Variants in DIS3L2 observed in about 807,000 individuals in gnomAD.
The protein encoded by DIS3L2 is DIS3-like exonuclease 2.
In DIS3L2, 34 loss-of-function variants were observed where a neutral mutation model predicts 97.5. The ratio of observed to expected loss-of-function variants is 0.35; its 90% CI spans 0.27 to 0.46. DIS3L2 has a LOEUF of 0.46. Among genes scored for constraint, DIS3L2 ranks in the 20% least tolerant of loss-of-function variants. The probability of loss-of-function intolerance (pLI) is 1.00; values close to 1 mark genes in which losing one functional copy is unlikely to be tolerated. For synonymous variants in DIS3L2, 435 were observed against 445.2 expected (o/e 0.98, Z 0.29); for missense variants, 1,038 against 1,146.0 (o/e 0.91, Z 1.36).
rs536894376 is a variant in DIS3L2, at chr2:232,220,631, C to T, written c.1204+10226C>T. On this transcript the variant is annotated intron_variant, in intron 10 of 20. Transcript: ENST00000325385. The stretch of plus-strand genomic sequence containing the variant: ...CTGAGGCAAGAGAATCGCTTGAACC[C>T]GGGAGGCATAGGTTGCAGTGAGCCA... Among the ~76,000 whole-genome samples, 429 of 151,692 alleles carry T rather than the reference C, an allele frequency of 2.8e-3. 1 individual carries two copies. Among genetic ancestry groups the T allele is most frequent in the Non-Finnish European group, 4.7e-3 (317 of 67,886 alleles).
chr2:232,176,503 T>C (rs1691158666), intron 9 of DIS3L2, among the ~76,000 whole-genome samples: 1 of 151,940 alleles, frequency 6.6e-6, no homozygotes, highest in African/African-American at 2.4e-5. Flanking sequence ...TATTTTCTTT[T>C]TTCTGCTTGC....
At chr2:232,258,794 C>T (rs1693638665) in intron 12 of DIS3L2, among the ~76,000 whole-genome samples, 1 of 152,080 alleles carries the variant, frequency 6.6e-6, no homozygotes, top group African/African-American at 2.4e-5. Flanking sequence ...ATGAGGTGTT[C>T]CATACAGAGA....
intron 6 of DIS3L2, among the ~76,000 whole-genome samples, chr2:232,089,945 T>C (rs1696787803): frequency 6.6e-6 from 1 of 152,096 alleles, no homozygotes; most frequent in Non-Finnish European, 1.5e-5. Flanking sequence ...CCACACTCCT[T>C]TTGAGATAGG....
chr2:232,060,296 A>T (rs1695667872), intron 5 of DIS3L2, among the ~76,000 whole-genome samples: 1 of 152,070 alleles, frequency 6.6e-6, no homozygotes, highest in Admixed American at 6.5e-5. Context: ...GTATCGCTCA[A>T]GAAGTCTTTG....
At chr2:232,019,893 TGA>T (rs1030347587) in intron 3 of DIS3L2, among the ~76,000 whole-genome samples, 8 of 150,976 alleles carry the variant, frequency 5.3e-5, no homozygotes, top group African/African-American at 2.0e-4. Context: ...ATGGGAAGGG[TGA>T]GAGAGAATAA....
At chr2:232,059,211 C>T (rs1011155000) in intron 5 of DIS3L2, among the ~76,000 whole-genome samples, 3 of 152,140 alleles carry the variant, frequency 2.0e-5, no homozygotes, top group African/African-American at 4.8e-5. Flanking sequence ...GGTTATATGG[C>T]AGAACCAGCT....
intron 15 of DIS3L2, among the ~76,000 whole-genome samples, chr2:232,330,451 C>T (rs1695702142): frequency 6.6e-6 from 1 of 152,172 alleles, no homozygotes; most frequent in Non-Finnish European, 1.5e-5. Context: ...AGGCAGGTGC[C>T]CCAGGCCAGA....
At chr2:232,279,028 CCTGGGTTCAAGTGATTCTCCTG>C (rs770385950) in intron 13 of DIS3L2, among the ~76,000 whole-genome samples, 51 of 152,202 alleles carry the variant, frequency 3.4e-4, no homozygotes, top group Non-Finnish European at 7.1e-4. Context: ...ACCTCCGCCT[CCTGGGTTCAAGTGATTCTCCTG>C]CCTCAGCCTC....
At chr2:232,085,629 T>C (rs1696553216) in intron 5 of DIS3L2, among the ~76,000 whole-genome samples, 1 of 152,186 alleles carries the variant, frequency 6.6e-6, no homozygotes, top group Non-Finnish European at 1.5e-5. Context: ...TCCAAGAACC[T>C]ACAAAATCTG....
chr2:232,015,809 C>T, intron 3 of DIS3L2, 138 bp downstream of exon 3: 3 of 905,098 alleles, frequency 3.3e-6, no homozygotes, highest in South Asian at 4.0e-5. Context: ...GATGGCATAA[C>T]AGAGATGATG....
intron 3 of DIS3L2, among the ~76,000 whole-genome samples, chr2:232,020,806 A>C (rs1298669845): frequency 6.6e-6 from 1 of 152,070 alleles, no homozygotes; most frequent in Non-Finnish European, 1.5e-5. Flanking sequence ...GGTTGTTGTG[A>C]GGGTTAAATT....
At chr2:232,192,619 C>G (rs754264413) in intron 9 of DIS3L2, among the ~76,000 whole-genome samples, 34 of 152,194 alleles carry the variant, frequency 2.2e-4, no homozygotes, top group Non-Finnish European at 4.0e-4. Flanking sequence ...CGGCACCCTC[C>G]CTCTGCCTCC....
intron 10 of DIS3L2, among the ~76,000 whole-genome samples, chr2:232,220,879 G>A (rs1692484226): frequency 6.6e-6 from 1 of 151,872 alleles, no homozygotes; most frequent in South Asian, 2.1e-4. Context: ...GAGGCGGGTG[G>A]ATCACCTGAT....
At chr2:232,162,990 C>T (rs566785577) in intron 8 of DIS3L2, among the ~76,000 whole-genome samples, 70 of 151,666 alleles carry the variant, frequency 4.6e-4, no homozygotes, top group African/African-American at 1.5e-3. Context: ...TTGCAATGAA[C>T]GTATATTACT....
chr2:232,077,833 T>C (rs1696238725), intron 5 of DIS3L2, among the ~76,000 whole-genome samples: 1 of 152,194 alleles, frequency 6.6e-6, no homozygotes, highest in Non-Finnish European at 1.5e-5. Flanking sequence ...GGCCCCTTTT[T>C]TCACGCTGAG....
At chr2:232,244,332 T>C (rs1420323256) in intron 11 of DIS3L2, among the ~76,000 whole-genome samples, 3 of 151,962 alleles carry the variant, frequency 2.0e-5, no homozygotes, top group African/African-American at 7.3e-5. Context: ...GTGTGGTGTT[T>C]TGATTTTTGG....
At position 232,014,976 on chromosome 2, in the gene DIS3L2, A is replaced by G. The variant is rs1574812219; in HGVS notation, c.49A>G (p.Arg17Gly). The G allele has an allele frequency of 6.2e-7, 1 of 1,614,004 alleles. No homozygotes were observed. Among genetic ancestry groups the G allele is most frequent in the Non-Finnish European group, 8.5e-7 (1 of 1,179,944 alleles). The change falls in exon 2 of 21, where the codon AGA (arginine) becomes GGA (glycine). Residue 17 changes from arginine to glycine, a missense_variant. Transcript: ENST00000325385. ...GAACCTCCGGCCCCTGGGGACCCCC[A>G]GAGGTAGTAAAAGGAAAATGGAGTC... The part of the protein sequence containing the change: ...RMNLRPLGTP[R>G]GVSAVAGPHD...
chr2:232,144,171 T>C (rs1690151741), intron 8 of DIS3L2, among the ~76,000 whole-genome samples: 1 of 152,154 alleles, frequency 6.6e-6, no homozygotes, highest in Non-Finnish European at 1.5e-5. Context: ...TAGACTCTAC[T>C]TAAAAAGGAA....
chr2:232,212,662 G>A (rs936854660), intron 10 of DIS3L2, among the ~76,000 whole-genome samples: 2 of 152,220 alleles, frequency 1.3e-5, no homozygotes, highest in Non-Finnish European at 2.9e-5. Flanking sequence ...ATGTTGTTCA[G>A]CAAGAGAGCA....
Sources: gnomAD v4.1 joint callset for allele counts (sites outside exome capture counted in the v4.1 genomes callset) on GRCh38, gnomAD v4.1.1 for gene constraint, MANE v1.5 for transcripts, NCBI Gene and HGNC (gene_info 2026-07-23, HGNC 2026-07-21) for gene names.